Variants in PPP1R9A observed in about 807,000 individuals in gnomAD.
The protein encoded by PPP1R9A is protein phosphatase 1 regulatory subunit 9A.
A neutral mutation model predicts 141.9 loss-of-function variants in PPP1R9A; 59 were observed. The ratio of observed to expected loss-of-function variants is 0.42; its 90% CI spans 0.34 to 0.52. PPP1R9A has a LOEUF of 0.52. PPP1R9A is among the 20% of genes least tolerant of loss of function. The pLI, the probability that PPP1R9A is intolerant of heterozygous loss-of-function variation, is 0.10. For synonymous variants in PPP1R9A, 500 were observed against 569.7 expected (o/e 0.88, Z 1.74); for missense variants, 1,444 against 1,611.9 (o/e 0.90, Z 1.78).
chr7:95,071,479 A>AT (rs1426452731), intron 2 of PPP1R9A, among the ~76,000 whole-genome samples: 2 of 151,732 alleles, frequency 1.3e-5, no homozygotes, highest in Non-Finnish European at 2.9e-5. Flanking sequence ...TCTAGTTGAA[A>AT]TTTTTTTTAT....
chr7:95,008,501 C>T (rs574989687), intron 2 of PPP1R9A, among the ~76,000 whole-genome samples: 15 of 152,186 alleles, frequency 9.9e-5, no homozygotes, highest in African/African-American at 3.4e-4. Context: ...TGGCTCAGTT[C>T]AGTAAAGTTT....
chr7:95,242,764 CTT>C (rs1460001086), intron 8 of PPP1R9A, among the ~76,000 whole-genome samples: 1 of 152,050 alleles, frequency 6.6e-6, no homozygotes, highest in Admixed American at 6.6e-5. Context: ...AGTTAAAAGA[CTT>C]TTACCTGCAG....
At chr7:95,176,060 C>T (rs1269403954) in intron 5 of PPP1R9A, among the ~76,000 whole-genome samples, 1 of 151,784 alleles carries the variant, frequency 6.6e-6, no homozygotes, top group African/African-American at 2.4e-5. Context: ...ATCAGAAAAC[C>T]CGAGAGGACC....
intron 12 of PPP1R9A, among the ~76,000 whole-genome samples, chr7:95,254,469 T>C (rs9648900): frequency 1 from 152,300 of 152,304 alleles, 76,148 homozygotes; most frequent in Non-Finnish European, 1. Flanking sequence ...TAAAAATCCA[T>C]CACCAACGTT....
chr7:95,198,416 G>C lies in PPP1R9A; in HGVS notation c.1822G>C (p.Glu608Gln), dbSNP rs1416267967. The C allele has an allele frequency of 6.2e-7, 1 of 1,613,332 alleles. No individual in the cohort carries two copies. Among genetic ancestry groups the C allele is most frequent in the Non-Finnish European group, 8.5e-7 (1 of 1,179,778 alleles). ...EVAQLISQTLEQERRQRELLE... is the reference protein window; with the variant it reads ...EVAQLISQTLQQERRQRELLE... ...TGCCCAGTTGATAAGCCAGACACTGGAACAGGAGAGGCGCCAGAGAGAGCT... is the reference window on the plus strand; with the variant it reads ...TGCCCAGTTGATAAGCCAGACACTGCAACAGGAGAGGCGCCAGAGAGAGCT... The change falls in exon 6 of 20, where the codon GAA becomes CAA. Residue 608 changes from glutamate (E) to glutamine (Q), a missense_variant. By Grantham distance (29) the Glu-to-Gln change is conservative (BLOSUM62 2). Transcript: ENST00000433360.
chr7:95,098,881 T>A (rs540679777), intron 2 of PPP1R9A, among the ~76,000 whole-genome samples: 1 of 152,182 alleles, frequency 6.6e-6, no homozygotes, highest in African/African-American at 2.4e-5. Flanking sequence ...CATGGGAGAG[T>A]GTAAACTTCT....
At chr7:95,134,081 C>T (rs183992884) in intron 4 of PPP1R9A, among the ~76,000 whole-genome samples, 38 of 152,096 alleles carry the variant, frequency 2.5e-4, no homozygotes, top group African/African-American at 8.0e-4. Flanking sequence ...TGCCCATCAA[C>T]GATAGACTGG....
At position 95,284,150 on chromosome 7, in the gene PPP1R9A, G is replaced by A. The variant is rs1330440296; in HGVS notation, c.3429G>A (p.Leu1143=). The A allele has an allele frequency of 4.4e-6, 7 of 1,589,940 alleles. No homozygotes were observed. Among genetic ancestry groups the A allele is most frequent in the Non-Finnish European group, 6.0e-6 (7 of 1,171,268 alleles). ...SRKGSYSFRN[L]PAPTSSLQPS... ...AAGGATCCTATTCCTTCAGGAACCT[G>A]CCTGCGCCTACAAGTTCCCTTCAGC... is the stretch of plus-strand genomic sequence containing the variant. Residue 1143 remains leucine, a synonymous_variant, in exon 17 of 20, where the codon CTG becomes CTA. Transcript: ENST00000433360.
At chr7:95,175,688 G>A (rs73220051) in intron 5 of PPP1R9A, among the ~76,000 whole-genome samples, 18,512 of 151,908 alleles carry the variant, frequency 0.12, 1,232 homozygotes, top group East Asian at 0.16. Flanking sequence ...TTATATGTTT[G>A]CTCTTCAGTG....
intron 8 of PPP1R9A, among the ~76,000 whole-genome samples, chr7:95,226,626 C>T (rs1795177996): frequency 6.6e-6 from 1 of 152,154 alleles, no homozygotes; most frequent in South Asian, 2.1e-4. Context: ...GAGGCTGTTA[C>T]CATCAACATC....
rs1456942913 is a variant in PPP1R9A at position 95,273,904 on chromosome 7, G to A, written c.3130G>A (p.Ala1044Thr). ...NKKILREKDDAKDPKSLRASS... is the reference protein window; with the variant it reads ...NKKILREKDDTKDPKSLRASS... ...CACAAATGTGTATATCCTAGATGAT[G>A]CCAAAGATCCCAAATCACTAAGGGC... Residue 1044 changes from alanine to threonine, a missense_variant, in exon 15 of 20, where the codon GCC becomes ACC. Physicochemically the swap from Ala to Thr is moderately conservative, Grantham distance 58. This residue lies in a region of PPP1R9A where 459 missense variants were observed against 513.8 expected (regional missense o/e 0.89). Transcript: ENST00000433360. The A allele has an allele frequency of 1.3e-6, 2 of 1,500,580 alleles. No individual in the cohort carries two copies. The highest frequency in any genetic ancestry group is 2.3e-5 in the South Asian group (2 of 87,240). The allele number at this position is 1,500,580 out of a possible 1,614,324, so 93.0% of individuals were successfully genotyped here. A position where few individuals can be genotyped will look rare whatever the true frequency, so the allele number is the denominator to read the frequency against.
chr7:95,160,227 T>C (rs1248798535), intron 4 of PPP1R9A, among the ~76,000 whole-genome samples: 1 of 152,110 alleles, frequency 6.6e-6, no homozygotes, highest in Non-Finnish European at 1.5e-5. Context: ...TGAATGAGCA[T>C]TACATATTTG....
chr7:95,072,266 AATAATATATAAT>A (rs979035510), intron 2 of PPP1R9A, among the ~76,000 whole-genome samples: 1 of 145,084 alleles, frequency 6.9e-6, no homozygotes, highest in Non-Finnish European at 1.5e-5. Context: ...AATATTATAT[AATAATATATAAT>A]ATAATATATA....
chr7:95,111,436 A>T (rs750415848), intron 3 of PPP1R9A, 45 bp downstream of exon 3: 11 of 1,509,086 alleles, frequency 7.3e-6, no homozygotes, highest in Non-Finnish European at 9.9e-6. Context: ...TGCTATGTTA[A>T]TAATACAGAA....
intron 2 of PPP1R9A, among the ~76,000 whole-genome samples, chr7:95,022,743 G>T (rs907596741): frequency 3.3e-5 from 5 of 151,966 alleles, no homozygotes; most frequent in Admixed American, 1.3e-4. Context: ...TAATCATGTG[G>T]TTTTTTTCAT....
chr7:94,944,651 T>TC lies in PPP1R9A; in HGVS notation c.1395+33146dup, dbSNP rs145104743. ...TGACAGATTTGTTCATTTGTGGAAA[T>TC]CCCAAACCCTTTTCAGAGCAGTTTT... is the stretch of plus-strand genomic sequence containing the variant. On this transcript the variant is annotated intron_variant, in intron 2 of 19. Coordinates refer to ENST00000433360, the MANE Select transcript of PPP1R9A (RefSeq NM_001166160.2). Among the ~76,000 whole-genome samples, 928 of 152,198 alleles carry TC rather than the reference T, an allele frequency of 6.1e-3. 9 individuals carry two copies. The highest frequency in any genetic ancestry group is 0.021 in the African/African-American group (861 of 41,528).
At chr7:95,193,933 A>G (rs1835873936) in intron 5 of PPP1R9A, among the ~76,000 whole-genome samples, 1 of 152,108 alleles carries the variant, frequency 6.6e-6, no homozygotes, top group African/African-American at 2.4e-5. Flanking sequence ...TCTGACAACA[A>G]CATTCTTGAA....
At chr7:95,003,049 G>C (rs892292292) in intron 2 of PPP1R9A, among the ~76,000 whole-genome samples, 2 of 152,040 alleles carry the variant, frequency 1.3e-5, no homozygotes, top group Non-Finnish European at 2.9e-5. Context: ...TAAAGGATAA[G>C]TCTTAAAGTA....
Position 94,910,448 on chromosome 7 carries a change from C to T in PPP1R9A, c.335C>T (p.Ser112Leu). 2.5e-6 allele frequency: 4 copies of T among 1,614,134 alleles called. No homozygotes were observed. The highest frequency in any genetic ancestry group is 3.4e-6 in the Non-Finnish European group (4 of 1,180,020). Residue 112 changes from serine (S) to leucine (L), a missense_variant, in exon 2 of 20, where the codon TCA (serine) becomes TTA (leucine). This residue lies in a region of PPP1R9A where 490 missense variants were observed against 521.1 expected (regional missense o/e 0.94). Coordinates refer to ENST00000433360, the MANE Select transcript of PPP1R9A (RefSeq NM_001166160.2). This position sits in a 1 kb window ranked among gnomAD's most constrained non-coding sequence, Gnocchi z 4.5. ...GAATTTCTGGAAAAAACAGATGGCT[C>T]AGTTGTTAAGTTGGAGTCTTCTGTT... ...PKEFLEKTDG[S>L]VVKLESSVSE... is the part of the protein sequence containing the mutation.
Sources: allele counts gnomAD v4.1 joint callset (sites outside exome capture counted in the v4.1 genomes callset), GRCh38; gene constraint gnomAD v4.1.1; regional missense constraint gnomAD v4.1.1; non-coding constraint Gnocchi (gnomAD v3.1); transcripts MANE v1.5; gene names NCBI Gene and HGNC (gene_info 2026-07-23, HGNC 2026-07-21).